Variants in PLA2R1 observed in about 807,000 individuals in gnomAD.
PLA2R1 encodes the protein phospholipase A2 receptor 1.
PLA2R1 carries 158 observed loss-of-function variants against 195.9 expected under a neutral mutation model. That is an observed-to-expected ratio of 0.81 (90% CI 0.71 to 0.92). The LOEUF is 0.92. PLA2R1 is among the 40% of genes least tolerant of loss of function. The pLI is 0.00. For synonymous variants in PLA2R1, 586 were observed against 598.2 expected (o/e 0.98, Z 0.30); for missense variants, 1,626 against 1,764.6 (o/e 0.92, Z 1.41).
rs1436580138 is a variant in PLA2R1 at position 159,938,485 on chromosome 2, AC to A, written c.*3292del. On this transcript the variant is annotated 3_prime_UTR_variant, in exon 30 of 30. Coordinates refer to ENST00000283243, the MANE Select transcript of PLA2R1 (RefSeq NM_007366.5). ...ATCTCACCACTGCAGGGGTGAAGTGACTGCCTTGTAGCCAAGAACTGCAGTG... is the reference window on the plus strand; with the variant it reads ...ATCTCACCACTGCAGGGGTGAAGTGATGCCTTGTAGCCAAGAACTGCAGTG... 1 of 152,232 alleles carries A rather than the reference AC, an allele frequency of 6.6e-6. No homozygotes were observed. The highest frequency in any genetic ancestry group is 1.9e-4 in the East Asian group (1 of 5,204). The allele number at this position is 152,232 out of a possible 1,614,324, so 9.4% of individuals were successfully genotyped here. A position where few individuals can be genotyped will look rare whatever the true frequency, so the allele number is the denominator to read the frequency against.
At chr2:160,014,495 C>A (rs1474770931) in intron 9 of PLA2R1, among the ~76,000 whole-genome samples, 1 of 152,068 alleles carries the variant, frequency 6.6e-6, no homozygotes, top group Admixed American at 6.6e-5. Flanking sequence ...TTAAACTGAG[C>A]TATTTTAGTT....
At chr2:160,040,262 T>C (rs1049296324) in intron 3 of PLA2R1, among the ~76,000 whole-genome samples, 3 of 151,890 alleles carry the variant, frequency 2.0e-5, no homozygotes, top group Non-Finnish European at 4.4e-5. Flanking sequence ...GTTCTGAGCT[T>C]CTCTATTACC....
intron 4 of PLA2R1, among the ~76,000 whole-genome samples, chr2:160,029,415 T>C (rs1693720629): frequency 6.6e-6 from 1 of 151,690 alleles, no homozygotes; most frequent in Non-Finnish European, 1.5e-5. Context: ...CACCAGGAGA[T>C]GTCTGCTCAA....
chr2:159,980,408 G>A (rs1173906562), intron 13 of PLA2R1, among the ~76,000 whole-genome samples: 1 of 152,190 alleles, frequency 6.6e-6, no homozygotes, highest in Non-Finnish European at 1.5e-5. Context: ...TTTACTGTGT[G>A]TTTGCTACTT....
intron 1 of PLA2R1, 64 bp from the exon 2 acceptor site, chr2:160,045,221 T>G: frequency 7.9e-7 from 1 of 1,264,868 alleles, no homozygotes; most frequent in Non-Finnish European, 1.1e-6. Flanking sequence ...GTCATGAGGA[T>G]CTCAGTGTGC....
In PLA2R1 at chr2:159,993,532, G is replaced by A. The variant is rs576117567; in HGVS notation, c.1835-6174C>T. Among the ~76,000 whole-genome samples the A allele has an allele frequency of 7.4e-4, 112 of 150,642 alleles. 1 individual carries two copies. In the South Asian group the frequency reaches 9.5e-3, roughly 13 times the overall value. ...GAAACAATAACAAACCACAAACGACGAGCACCCTTAAGCCCAGACTGTGAT... is the reference window on the plus strand; with the variant it reads ...GAAACAATAACAAACCACAAACGACAAGCACCCTTAAGCCCAGACTGTGAT... On this transcript the variant is annotated intron_variant, in intron 11 of 29. Coordinates refer to ENST00000283243, the MANE Select transcript of PLA2R1 (RefSeq NM_007366.5).
At chr2:160,022,558 A>G in intron 7 of PLA2R1, 107 bp downstream of exon 7, 1 of 580,048 alleles carries the variant, frequency 1.7e-6, no homozygotes, top group Admixed American at 3.1e-5. Flanking sequence ...TATATGTGCA[A>G]TGAATAACCA....
chr2:160,027,666 G>A (rs564625114), intron 6 of PLA2R1, among the ~76,000 whole-genome samples: 170 of 152,202 alleles, frequency 1.1e-3, no homozygotes, highest in African/African-American at 3.9e-3. Context: ...TTAATTCTCA[G>A]AGAAACTAAA....
intron 20 of PLA2R1, among the ~76,000 whole-genome samples, chr2:159,963,359 G>A (rs774883938): frequency 6.6e-6 from 1 of 152,124 alleles, no homozygotes; most frequent in Non-Finnish European, 1.5e-5. Context: ...GATACCAAAA[G>A]CACAAGTGAC....
At chr2:160,012,773 G>T (rs1055937182) in intron 10 of PLA2R1, among the ~76,000 whole-genome samples, 16 of 152,004 alleles carry the variant, frequency 1.1e-4, no homozygotes, top group Non-Finnish European at 1.6e-4. Context: ...TTACCAGGGC[G>T]TGGTGGCAGG....
At chr2:160,024,827 C>T (rs1335860307) in intron 6 of PLA2R1, among the ~76,000 whole-genome samples, 1 of 152,188 alleles carries the variant, frequency 6.6e-6, no homozygotes, top group East Asian at 1.9e-4. Context: ...TGAGGCACCC[C>T]ACCTTCCCAG....
intron 2 of PLA2R1, among the ~76,000 whole-genome samples, chr2:160,044,247 C>CGTGTG (rs1694725740): frequency 1.3e-5 from 2 of 152,120 alleles, no homozygotes; most frequent in Non-Finnish European, 2.9e-5. Flanking sequence ...CCAAATAACC[C>CGTGTG]CCGACAATAG....
chr2:159,942,868 G>A (rs1247349297), intron 28 of PLA2R1, among the ~76,000 whole-genome samples: 1 of 151,970 alleles, frequency 6.6e-6, no homozygotes, highest in Non-Finnish European at 1.5e-5. Context: ...GTGAGCAAAA[G>A]AACTGCCTTG....
At chr2:160,039,750 G>T (rs574718939) in intron 3 of PLA2R1, among the ~76,000 whole-genome samples, 38 of 152,128 alleles carry the variant, frequency 2.5e-4, no homozygotes, top group African/African-American at 8.7e-4. Context: ...GCTGGTTGTG[G>T]TAAAGGGCAG....
chr2:160,010,422 C>G (rs1692283224), intron 10 of PLA2R1, among the ~76,000 whole-genome samples: 2 of 152,212 alleles, frequency 1.3e-5, no homozygotes, highest in Non-Finnish European at 2.9e-5. Flanking sequence ...CTCTATTCCA[C>G]AAAGTGTTAA....
At chr2:159,965,515 G>A (rs1205171824) in intron 20 of PLA2R1, among the ~76,000 whole-genome samples, 3 of 152,182 alleles carry the variant, frequency 2.0e-5, no homozygotes, top group Non-Finnish European at 4.4e-5. Context: ...ATTCCATTGT[G>A]TGGTTGTACC....
intron 17 of PLA2R1, among the ~76,000 whole-genome samples, chr2:159,973,682 G>GT (rs1408035022): frequency 6.6e-6 from 1 of 152,066 alleles, no homozygotes; most frequent in East Asian, 1.9e-4. Flanking sequence ...AGTCTATAGT[G>GT]TTTTTTTATA....
chr2:160,048,118 C>T (rs1335487940), intron 1 of PLA2R1, among the ~76,000 whole-genome samples: 1 of 152,184 alleles, frequency 6.6e-6, no homozygotes, highest in Admixed American at 6.5e-5. Context: ...CAGGTGTGAG[C>T]CACCATGCCT....
intron 11 of PLA2R1, among the ~76,000 whole-genome samples, chr2:160,003,791 C>T (rs193218626): frequency 4.6e-5 from 7 of 152,254 alleles, no homozygotes; most frequent in South Asian, 4.1e-4. Flanking sequence ...TTTGTTGTAA[C>T]ACTTTTGTAG....
Sources: gnomAD v4.1 joint callset for allele counts (sites outside exome capture counted in the v4.1 genomes callset) on GRCh38, gnomAD v4.1.1 for gene constraint, MANE v1.5 for transcripts, NCBI Gene and HGNC (gene_info 2026-07-23, HGNC 2026-07-21) for gene names.